Variants in RTN1 observed in about 807,000 individuals in gnomAD.
RTN1 encodes reticulon 1.
Under a neutral mutation model 65.5 loss-of-function variants are expected in RTN1, and 25 were observed. The observed-to-expected ratio is 0.38, with a 90% CI of 0.28 to 0.53. The LOEUF (loss-of-function observed/expected upper bound fraction) is 0.53. Ranked by LOEUF, RTN1 falls within the 20% of genes least tolerant of loss-of-function variation. The pLI, the probability that RTN1 is intolerant of heterozygous loss-of-function variation, is 0.79. For synonymous variants in RTN1, 471 were observed against 447.6 expected (o/e 1.05, Z -0.66); for missense variants, 983 against 1,025.4 (o/e 0.96, Z 0.57).
At chr14:59,670,256 G>C (rs954886364) in intron 3 of RTN1, among the ~76,000 whole-genome samples, 6 of 152,110 alleles carry the variant, frequency 3.9e-5, no homozygotes, top group Non-Finnish European at 8.8e-5. Flanking sequence ...TTAAAATAAT[G>C]ATCTCATTAA....
intron 2 of RTN1, among the ~76,000 whole-genome samples, chr14:59,734,254 G>A (rs922087203): frequency 1.3e-5 from 2 of 152,140 alleles, no homozygotes; most frequent in Non-Finnish European, 2.9e-5. Flanking sequence ...AAGATCAAAG[G>A]TAGATAAGCC....
rs369480353 is a variant in RTN1 at position 59,665,867 on chromosome 14, G to A, written c.1766-58375C>T. Among the ~76,000 whole-genome samples, 18 of 152,212 alleles carry A rather than the reference G, an allele frequency of 1.2e-4. 2 individuals carry two copies. Among genetic ancestry groups the A allele is most frequent in the Admixed American group, 7.2e-4 (11 of 15,276 alleles). ...GAAGGCCATTATATAATGGTAAAGG[G>A]ATCAACGCAACAAGAAGAGCTAACT... is the stretch of plus-strand genomic sequence containing the variant. On this transcript the variant is annotated intron_variant, in intron 3 of 8. Coordinates refer to ENST00000267484, the MANE Select transcript of RTN1 (RefSeq NM_021136.3).
intron 3 of RTN1, among the ~76,000 whole-genome samples, chr14:59,669,006 G>T (rs1389751487): frequency 6.6e-6 from 1 of 152,142 alleles, no homozygotes; most frequent in Non-Finnish European, 1.5e-5. Context: ...CACTCTTGGT[G>T]GGAGTGTAAA....
intron 3 of RTN1, among the ~76,000 whole-genome samples, chr14:59,678,642 G>A (rs1883679410): frequency 6.6e-6 from 1 of 152,158 alleles, no homozygotes; most frequent in East Asian, 1.9e-4. Context: ...GTTCCTTGCT[G>A]GGCTCCCAGG....
At position 59,605,405 on chromosome 14, in the gene RTN1, C is replaced by T. The variant is rs1313571937; in HGVS notation, c.2075G>A (p.Arg692Lys). 1 of 1,614,010 alleles carries T rather than the reference C, an allele frequency of 6.2e-7. No homozygotes were observed. The highest frequency in any genetic ancestry group is 8.5e-7 in the Non-Finnish European group (1 of 1,179,982). The change falls in exon 5 of 9, where the codon AGG (arginine) becomes AAG (lysine). Residue 692 changes from arginine (R) to lysine (K), a missense_variant. This residue lies in a region of RTN1 where 165 missense variants were observed against 223.6 expected (regional missense o/e 0.74). Transcript: ENST00000267484. ...CACCAGGTCCTGGACAAGGAAGAGC[C>T]TCCTCAGTTCCTTAAGTGTGCTGTT... ...YVNSTLKELR[R>K]LFLVQDLVDS... is the part of the protein sequence containing the mutation.
chr14:59,665,006 C>T (rs973928329), intron 3 of RTN1, among the ~76,000 whole-genome samples: 2 of 152,104 alleles, frequency 1.3e-5, no homozygotes, highest in East Asian at 1.9e-4. Context: ...TTTAGTGTTG[C>T]CACTGCTTAT....
At chr14:59,739,386 C>T (rs1885069058) in intron 2 of RTN1, among the ~76,000 whole-genome samples, 1 of 151,990 alleles carries the variant, frequency 6.6e-6, no homozygotes, top group African/African-American at 2.4e-5. Flanking sequence ...ACTAAAAATA[C>T]AAAAATCAGC....
At chr14:59,671,821 G>A (rs1883510735) in intron 3 of RTN1, among the ~76,000 whole-genome samples, 1 of 152,212 alleles carries the variant, frequency 6.6e-6, no homozygotes, top group Admixed American at 6.5e-5. Context: ...ACTCTACAGA[G>A]CTGGACCTGG....
Position 59,645,314 on chromosome 14 carries a change from T to C in RTN1, c.1766-37822A>G, listed in dbSNP as rs141734542. ...TGGAAAATCTGAGGTGATTAGAAACTGGAGCAGACCTCCTGCATATTCCAG... is the reference window on the plus strand; with the variant it reads ...TGGAAAATCTGAGGTGATTAGAAACCGGAGCAGACCTCCTGCATATTCCAG... On this transcript the variant is annotated intron_variant, in intron 3 of 8. Coordinates refer to ENST00000267484, the MANE Select transcript of RTN1 (RefSeq NM_021136.3). Among the ~76,000 whole-genome samples, 91 of 152,284 alleles carry C rather than the reference T, an allele frequency of 6.0e-4. 2 individuals carry two copies. The South Asian group carries it at 7.0e-3, about 12-fold the overall frequency.
chr14:59,628,184 A>C (rs1882451426), intron 3 of RTN1, among the ~76,000 whole-genome samples: 1 of 152,142 alleles, frequency 6.6e-6, no homozygotes, highest in Non-Finnish European at 1.5e-5. Context: ...AATAATAATA[A>C]TATTCCAGTG....
At chr14:59,632,687 T>G (rs1594643435) in intron 3 of RTN1, among the ~76,000 whole-genome samples, 1 of 152,178 alleles carries the variant, frequency 6.6e-6, no homozygotes, top group Non-Finnish European at 1.5e-5. Context: ...GTCTGTATAG[T>G]GTGTATGGTG....
intron 1 of RTN1, among the ~76,000 whole-genome samples, chr14:59,856,014 G>T (rs1158105872): frequency 6.6e-6 from 1 of 152,130 alleles, no homozygotes; most frequent in Non-Finnish European, 1.5e-5. Flanking sequence ...TTTTGTGGGT[G>T]TTTTTTGTCT....
intron 3 of RTN1, among the ~76,000 whole-genome samples, chr14:59,669,173 A>C (rs185677390): frequency 0.012 from 1,772 of 152,282 alleles, 141 homozygotes; most frequent in Admixed American, 0.11. Context: ...TATTGCAGCA[A>C]TATTCCCAAT....
chr14:59,662,635 G>A (rs1164137172), intron 3 of RTN1, among the ~76,000 whole-genome samples: 1 of 152,034 alleles, frequency 6.6e-6, no homozygotes, highest in Non-Finnish European at 1.5e-5. Flanking sequence ...GACAAACAGA[G>A]AACCAAATCA....
At chr14:59,663,290 TAAGACCTAAAACCATG>T (rs1355745260) in intron 3 of RTN1, among the ~76,000 whole-genome samples, 1 of 152,164 alleles carries the variant, frequency 6.6e-6, no homozygotes, top group Non-Finnish European at 1.5e-5. Flanking sequence ...GACTTAAATG[TAAGACCTAAAACCATG>T]AAAACACTAG....
chr14:59,740,010 A>T (rs1885084629), intron 2 of RTN1, among the ~76,000 whole-genome samples: 1 of 152,198 alleles, frequency 6.6e-6, no homozygotes, highest in Non-Finnish European at 1.5e-5. Flanking sequence ...GTTGTTCTGG[A>T]GACAGGCTGG....
chr14:59,653,931 C>T (rs896238771), intron 3 of RTN1, among the ~76,000 whole-genome samples: 1 of 152,182 alleles, frequency 6.6e-6, no homozygotes, highest in African/African-American at 2.4e-5. Flanking sequence ...ATGAATCTCG[C>T]TCTGTCACCC....
Position 59,663,096 on chromosome 14 carries a change from A to C in RTN1, c.1766-55604T>G, listed in dbSNP as rs552333308. Among the ~76,000 whole-genome samples the C allele has an allele frequency of 2.8e-3, 419 of 152,144 alleles. 1 individual carries two copies. The highest frequency in any genetic ancestry group is 9.9e-3 in the African/African-American group (410 of 41,498). ...ATAGACTAATGGAACAGAACAGAGA[A>C]CTCAGAAATAACACCGCACATCTAC... On this transcript the variant is annotated intron_variant, in intron 3 of 8. Coordinates refer to ENST00000267484, the MANE Select transcript of RTN1 (RefSeq NM_021136.3).
At chr14:59,668,303 A>G (rs1883425314) in intron 3 of RTN1, among the ~76,000 whole-genome samples, 2 of 152,158 alleles carry the variant, frequency 1.3e-5, no homozygotes, top group Non-Finnish European at 2.9e-5. Flanking sequence ...AACACCGCAC[A>G]TCTACAACCA....
Sources: allele counts gnomAD v4.1 joint callset (sites outside exome capture counted in the v4.1 genomes callset), GRCh38; gene constraint gnomAD v4.1.1; regional missense constraint gnomAD v4.1.1; transcripts MANE v1.5; gene names NCBI Gene and HGNC (gene_info 2026-07-23, HGNC 2026-07-21).